Variants in ANKK1 observed in about 807,000 individuals in gnomAD.
The protein encoded by ANKK1 is ankyrin repeat and protein kinase domain-containing protein 1.
In ANKK1, 37 loss-of-function variants were observed where a neutral mutation model predicts 37.6. The ratio of observed to expected loss-of-function variants is 0.98; its 90% CI spans 0.76 to 1.29. ANKK1 has a LOEUF of 1.29. Among genes scored for constraint, ANKK1 ranks in the 50% most tolerant of loss-of-function variants. The pLI, the probability that ANKK1 is intolerant of heterozygous loss-of-function variation, is 0.00. For missense variants in ANKK1, 1,019 were observed against 990.6 expected, an observed-to-expected ratio of 1.03 and a Z score of -0.39; for synonymous variants, 415 against 418.7, an observed-to-expected ratio of 0.99 and a Z score of 0.11.
intron 6 of ANKK1, 108 bp downstream of exon 6, chr11:113,397,450 T>G: frequency 1.2e-6 from 1 of 856,252 alleles, no homozygotes; most frequent in Non-Finnish European, 1.8e-6. Flanking sequence ...CAGCCCAGCT[T>G]GGGGCCACCT....
rs201856441 is a variant in ANKK1 at position 113,399,833 on chromosome 11, C to G, written c.1864C>G (p.Leu622Val). 1 of 1,609,336 alleles carries G rather than the reference C, an allele frequency of 6.2e-7. No individual in the cohort carries two copies. The highest frequency in any genetic ancestry group is 1.3e-5 in the African/African-American group (1 of 74,810). Reference sequence around the variant, plus strand: ...AGAGAGCCACGCAAACATGGGTGCTCTTGGAGCTGTGAACTGGACTCCCCT... The same window carrying G: ...AGAGAGCCACGCAAACATGGGTGCTGTTGGAGCTGTGAACTGGACTCCCCT... ...LAESHANMGA[L>V]GAVNWTPLHL... Residue 622 changes from leucine to valine, a missense_variant, in exon 8 of 8, where the codon CTT becomes GTT. By Grantham distance (32) the Leu-to-Val change is conservative (BLOSUM62 1). Coordinates refer to ENST00000303941, the MANE Select transcript of ANKK1 (RefSeq NM_178510.2).
In ANKK1 at chr11:113,399,646, C is replaced by T. The variant is rs114700049; in HGVS notation, c.1677C>T (p.Ser559=). ...SGAVPDALDQ[S]GYGPLHTAAA... Reference sequence around the variant, plus strand: ...CGGTCCCTGATGCCCTTGACCAGAGCGGCTACGGCCCACTGCACACTGCAG... The same window carrying T: ...CGGTCCCTGATGCCCTTGACCAGAGTGGCTACGGCCCACTGCACACTGCAG... Residue 559 remains serine (S), a synonymous_variant, in exon 8 of 8, where the codon AGC becomes AGT. Coordinates refer to ENST00000303941, the MANE Select transcript of ANKK1 (RefSeq NM_178510.2). 2,044 of 1,604,676 alleles carry T rather than the reference C, an allele frequency of 1.3e-3. 22 individuals are homozygous for T. The African/African-American group carries it at 0.023, about 18-fold the overall frequency.
At position 113,396,163 on chromosome 11, in the gene ANKK1, T is replaced by C. The variant is rs1368925721; in HGVS notation, c.779T>C (p.Met260Thr). 1 of 1,613,854 alleles carries C rather than the reference T, an allele frequency of 6.2e-7. No individual in the cohort carries two copies. The highest frequency in any genetic ancestry group is 1.3e-5 in the African/African-American group (1 of 74,910). ...SDQWPSEAQQ[M>T]VDLMKRCWDQ... Reference sequence around the variant, plus strand: ...CAATGGCCAAGCGAGGCCCAGCAGATGGTGGACCTGATGAAACGCTGCTGG... The same window carrying C: ...CAATGGCCAAGCGAGGCCCAGCAGACGGTGGACCTGATGAAACGCTGCTGG... The change falls in exon 5 of 8, where the codon ATG (methionine) becomes ACG (threonine). Residue 260 changes from methionine (M) to threonine (T), a missense_variant. Met to Thr is a moderately conservative substitution (Grantham distance 81, BLOSUM62 -1). Coordinates refer to ENST00000303941, the MANE Select transcript of ANKK1 (RefSeq NM_178510.2).
chr11:113,396,206 G>A lies in ANKK1; in HGVS notation c.822G>A (p.Lys274=), dbSNP rs371779915. The A allele has an allele frequency of 2.2e-5, 36 of 1,613,994 alleles. No individual in the cohort carries two copies. The African/African-American group carries it at 3.5e-4, about 16-fold the overall frequency. The stretch of plus-strand genomic sequence containing the variant: ...GCTGCTGGGACCAGGACCCCAAGAA[G>A]AGGCCATGCTTTCTAGGTGCTTATC... ...MKRCWDQDPK[K]RPCFLDITIE... Residue 274 remains lysine, a synonymous_variant, in exon 5 of 8, where the codon AAG becomes AAA. Coordinates refer to ENST00000303941, the MANE Select transcript of ANKK1 (RefSeq NM_178510.2).
chr11:113,394,637 A>G, intron 2 of ANKK1: 1 of 549,616 alleles, frequency 1.8e-6, no homozygotes, highest in Admixed American at 2.2e-5. Flanking sequence ...ACTACATGCC[A>G]GGCACTGTTT....
At chr11:113,389,598 T>C (rs1377649933) in intron 1 of ANKK1, among the ~76,000 whole-genome samples, 1 of 152,238 alleles carries the variant, frequency 6.6e-6, no homozygotes, top group Non-Finnish European at 1.5e-5. Flanking sequence ...TTTGTGGCTC[T>C]AGGAGAGCTC....
Position 113,394,928 on chromosome 11 carries a change from G to T in ANKK1, c.481-1G>T. The T allele has an allele frequency of 6.2e-7, 1 of 1,605,334 alleles. No individual in the cohort carries two copies. The highest frequency in any genetic ancestry group is 1.1e-5 in the South Asian group (1 of 90,470). ...TTATCTCTGCCCCTGCCTTCTCCCA[G>T]ATTTCAGACTTCGGCCTGTCCAAGT... On this transcript the variant is annotated splice_acceptor_variant, in intron 2 of 7. Transcript: ENST00000303941. LOFTEE classifies it high-confidence loss of function.
intron 2 of ANKK1, 186 bp from the exon 3 acceptor site, chr11:113,394,743 C>G: frequency 1.3e-6 from 1 of 775,242 alleles, no homozygotes; most frequent in South Asian, 1.5e-5. Context: ...GAAACTGAGG[C>G]TCTGAGAAGA....
At position 113,399,181 on chromosome 11, in the gene ANKK1, G is replaced by C. The variant is rs267602696; in HGVS notation, c.1212G>C (p.Gln404His). 6.2e-7 allele frequency: 1 copy of C among 1,600,886 alleles called. No homozygotes were observed. The highest frequency in any genetic ancestry group is 8.5e-7 in the Non-Finnish European group (1 of 1,174,030). The change falls in exon 8 of 8, where the codon CAG becomes CAC. Residue 404 changes from glutamine to histidine, a missense_variant. Gln to His is a conservative substitution (Grantham distance 24). Transcript: ENST00000303941. ...SGYTPLLIAA[Q>H]DQQPDLCALL... ...ACACGCCCCTCCTGATCGCCGCCCA[G>C]GACCAGCAACCCGACCTCTGTGCCC...
At position 113,393,355 on chromosome 11, in the gene ANKK1, C is replaced by G. The variant is rs150352049; in HGVS notation, c.186-126C>G. Reference sequence around the variant, plus strand: ...ATGTCTCTCTTTCCTCTTCCACTACCTTGCAAGCTCCTGAGGCTTCTGTGG... The same window carrying G: ...ATGTCTCTCTTTCCTCTTCCACTACGTTGCAAGCTCCTGAGGCTTCTGTGG... On this transcript the variant is annotated intron_variant, in intron 1 of 7. Transcript: ENST00000303941. 118 of 1,008,646 alleles carry G rather than the reference C, an allele frequency of 1.2e-4. No homozygotes were observed. The African/African-American group carries it at 1.5e-3, about 13-fold the overall frequency. The allele number at this position is 1,008,646 out of a possible 1,614,324, so 62.5% of individuals were successfully genotyped here.
In ANKK1 at chr11:113,399,963, T is replaced by C; in HGVS notation, c.1994T>C (p.Leu665Pro). 1 of 1,613,628 alleles carries C rather than the reference T, an allele frequency of 6.2e-7. No homozygotes were observed. The highest frequency in any genetic ancestry group is 1.6e-4 in the Middle Eastern group (1 of 6,062). Residue 665 changes from leucine (L) to proline (P), a missense_variant, in exon 8 of 8, where the codon CTG (leucine) becomes CCG (proline). Transcript: ENST00000303941. ...CAGTCAGGCTGGACACCCCTCCACC[T>C]GGCGGTCCAGAGGAGCACCTTCCTG... ...AEQSGWTPLH[L>P]AVQRSTFLSV...
Position 113,399,547 on chromosome 11 carries a change from C to A in ANKK1, c.1578C>A (p.Asn526Lys), listed in dbSNP as rs773748715. The A allele has an allele frequency of 7.5e-6, 12 of 1,600,444 alleles. No individual in the cohort carries two copies. Among genetic ancestry groups the A allele is most frequent in the Non-Finnish European group, 1.0e-5 (12 of 1,173,874 alleles). The change falls in exon 8 of 8, where the codon AAC becomes AAA. Residue 526 changes from asparagine to lysine, a missense_variant. Coordinates refer to ENST00000303941, the MANE Select transcript of ANKK1 (RefSeq NM_178510.2). The stretch of plus-strand genomic sequence containing the variant: ...CTGAGTTGGATGCTCAGCAGAGAAA[C>A]CTGAGAACACCACTGCACCTGGCAG... The part of the protein sequence containing the change: ...QGAELDAQQR[N>K]LRTPLHLAVE...
Position 113,399,251 on chromosome 11 carries a change from G to A in ANKK1, c.1282G>A (p.Gly428Ser). 6.2e-7 allele frequency: 1 copy of A among 1,607,788 alleles called. No homozygotes were observed. ...TGATGCCAACCGAGTGGATGAGGAT[G>A]GCTGGGCCCCACTGCACTTTGCAGC... Reference protein sequence around the residue: ...GADANRVDEDGWAPLHFAAQN... With the variant: ...GADANRVDEDSWAPLHFAAQN... Residue 428 changes from glycine to serine, a missense_variant, in exon 8 of 8, where the codon GGC becomes AGC. Coordinates refer to ENST00000303941, the MANE Select transcript of ANKK1 (RefSeq NM_178510.2).
At chr11:113,396,005 C>G in intron 4 of ANKK1, 62 bp from the exon 5 acceptor site, 2 of 1,581,900 alleles carry the variant, frequency 1.3e-6, no homozygotes, top group Non-Finnish European at 1.7e-6. Context: ...CCCCGCCTTC[C>G]TCCCCAGCTC....
chr11:113,398,678 T>TCAA (rs1950659625), intron 7 of ANKK1, among the ~76,000 whole-genome samples: 1 of 152,148 alleles, frequency 6.6e-6, no homozygotes, highest in Non-Finnish European at 1.5e-5. Flanking sequence ...GGTCGGGGGA[T>TCAA]GCTGAGGAGT....
At position 113,388,278 on chromosome 11, in the gene ANKK1, T is replaced by C. The variant is rs142328839; in HGVS notation, c.185+209T>C. 3.8e-3 allele frequency among the ~76,000 whole-genome samples: 582 copies of C among 152,258 alleles called. 7 individuals carry two copies. The highest frequency in any genetic ancestry group is 0.013 in the African/African-American group (553 of 41,552). On this transcript the variant is annotated intron_variant, in intron 1 of 7. Coordinates refer to ENST00000303941, the MANE Select transcript of ANKK1 (RefSeq NM_178510.2). ...CAAAATAGAGTTGGCACATAATACC[T>C]GTTTGTAGACTCAACAGAGGTCAAA...
rs778983207 is a variant in ANKK1 at position 113,396,181 on chromosome 11, G to A, written c.797G>A (p.Arg266His). Residue 266 changes from arginine to histidine, a missense_variant, in exon 5 of 8, where the codon CGC becomes CAC. Coordinates refer to ENST00000303941, the MANE Select transcript of ANKK1 (RefSeq NM_178510.2). ...EAQQMVDLMKRCWDQDPKKRP... is the reference protein window; with the variant it reads ...EAQQMVDLMKHCWDQDPKKRP... ...CAGCAGATGGTGGACCTGATGAAAC[G>A]CTGCTGGGACCAGGACCCCAAGAAG... 4.3e-6 allele frequency: 7 copies of A among 1,613,832 alleles called. No individual in the cohort carries two copies. Among genetic ancestry groups the A allele is most frequent in the Admixed American group, 1.7e-5 (1 of 60,002 alleles).
chr11:113,394,327 T>A (rs1343923874), intron 2 of ANKK1, among the ~76,000 whole-genome samples: 1 of 152,218 alleles, frequency 6.6e-6, no homozygotes, highest in African/African-American at 2.4e-5. Context: ...ATATAATCAT[T>A]AGTGAAACAC....
intron 5 of ANKK1, among the ~76,000 whole-genome samples, chr11:113,396,672 C>T (rs760691776): frequency 3.9e-5 from 6 of 152,092 alleles, no homozygotes; most frequent in East Asian, 1.9e-4. Flanking sequence ...ATCTGCATCA[C>T]GGGGCTGGGA....
Sources: gnomAD v4.1 joint callset for allele counts (sites outside exome capture counted in the v4.1 genomes callset) on GRCh38, gnomAD v4.1.1 for gene constraint, MANE v1.5 for transcripts, NCBI Gene and HGNC (gene_info 2026-07-23, HGNC 2026-07-21) for gene names.